Variants in DLG1 observed in about 807,000 individuals in gnomAD.
DLG1 encodes discs large MAGUK scaffold protein 1, also known as disks large homolog 1.
DLG1 carries 42 observed loss-of-function variants against 123.4 expected under a neutral mutation model. The ratio of observed to expected loss-of-function variants is 0.34; its 90% confidence interval spans 0.27 to 0.44. DLG1 has a LOEUF of 0.44. Among genes scored for constraint, DLG1 ranks in the 20% least tolerant of loss-of-function variants. The pLI is 1.00. For synonymous variants in DLG1, 317 were observed against 356.2 expected, an observed-to-expected ratio of 0.89 and a Z score of 1.24; for missense variants, 942 against 1,082.6, an observed-to-expected ratio of 0.87 and a Z score of 1.82.
intron 24 of DLG1, among the ~76,000 whole-genome samples, chr3:197,046,884 GACAAAAA>G (rs1305876800): frequency 3.3e-5 from 5 of 150,692 alleles, no homozygotes; most frequent in African/African-American, 1.2e-4. Flanking sequence ...AAAAACAAAA[GACAAAAA>G]ACAAAACGAA....
intron 15 of DLG1, 35 bp from the exon 16 acceptor site, chr3:197,085,791 G>A (rs1753985174): frequency 6.3e-7 from 1 of 1,576,890 alleles, no homozygotes; most frequent in Admixed American, 1.8e-5. Flanking sequence ...ATAATCACTT[G>A]TTATAATATT....
At chr3:197,238,366 T>A (rs955543406) in intron 4 of DLG1, among the ~76,000 whole-genome samples, 2 of 152,002 alleles carry the variant, frequency 1.3e-5, no homozygotes, top group Non-Finnish European at 2.9e-5. Flanking sequence ...AGGCGTCATA[T>A]AAAAAATTAA....
chr3:197,276,216 G>A (rs532411928), intron 4 of DLG1, among the ~76,000 whole-genome samples: 3 of 152,308 alleles, frequency 2.0e-5, no homozygotes, highest in Admixed American at 2.0e-4. Context: ...ACCATAATGT[G>A]TTTATCCGAT....
At chr3:197,140,427 A>G (rs564264230) in intron 7 of DLG1, among the ~76,000 whole-genome samples, 163 bp from the exon 8 acceptor site, 34 of 152,348 alleles carry the variant, frequency 2.2e-4, no homozygotes, top group Admixed American at 1.8e-3. Flanking sequence ...CTTGTTCTGG[A>G]GGAAAGTCCT....
At chr3:197,062,135 A>G (rs991152172) in intron 22 of DLG1, among the ~76,000 whole-genome samples, 6 of 152,212 alleles carry the variant, frequency 3.9e-5, no homozygotes, top group African/African-American at 1.4e-4. Context: ...AACCCATCAC[A>G]AGTTGAAAAT....
intron 5 of DLG1, among the ~76,000 whole-genome samples, chr3:197,181,539 T>C (rs956330362): frequency 3.3e-5 from 5 of 152,188 alleles, no homozygotes; most frequent in Non-Finnish European, 5.9e-5. Flanking sequence ...AAAAGTATTC[T>C]AGTATCAAGT....
At chr3:197,146,198 A>C (rs184133203) in intron 6 of DLG1, among the ~76,000 whole-genome samples, 1 of 152,280 alleles carries the variant, frequency 6.6e-6, no homozygotes, top group African/African-American at 2.4e-5. Flanking sequence ...GGACAGGTAG[A>C]ATCAATACTG....
In DLG1 at chr3:197,220,341, T is replaced by C. The variant is rs531580280; in HGVS notation, c.319-25752A>G. Among the ~76,000 whole-genome samples the C allele has an allele frequency of 3.2e-4, 49 of 152,240 alleles. 1 individual carries two copies. The South Asian group carries it at 1.0e-2, about 31-fold the overall frequency. On this transcript the variant is annotated intron_variant, in intron 4 of 24. Coordinates refer to ENST00000667157, the MANE Select transcript of DLG1 (RefSeq NM_001366207.1). Reference sequence around the variant, plus strand: ...AATGTTCTTTTAAAACGTACGACTTTCCATTTATAAAAAGAAAATTTTATA... The same window carrying C: ...AATGTTCTTTTAAAACGTACGACTTCCCATTTATAAAAAGAAAATTTTATA...
At chr3:197,274,492 C>A (rs1375920359) in intron 4 of DLG1, among the ~76,000 whole-genome samples, 2 of 150,764 alleles carry the variant, frequency 1.3e-5, no homozygotes, top group Non-Finnish European at 3.0e-5. Flanking sequence ...TGAAAAGATA[C>A]AATACGACAC....
chr3:197,151,993 T>C (rs780837406), intron 5 of DLG1, among the ~76,000 whole-genome samples: 2 of 152,218 alleles, frequency 1.3e-5, no homozygotes, highest in African/African-American at 2.4e-5. Flanking sequence ...AAGTGAATTA[T>C]AGAGCTTCAC....
chr3:197,136,396 A>T, intron 10 of DLG1, 146 bp downstream of exon 10: 1 of 591,048 alleles, frequency 1.7e-6, no homozygotes, highest in Non-Finnish European at 2.9e-6. Flanking sequence ...ACCAAGAATC[A>T]TTTTTTAGGA....
chr3:197,215,144 A>C (rs980272314), intron 4 of DLG1, among the ~76,000 whole-genome samples: 1 of 152,242 alleles, frequency 6.6e-6, no homozygotes, highest in African/African-American at 2.4e-5. Context: ...GTATACAAAT[A>C]CAATTAAAAC....
chr3:197,215,287 G>C (rs1404404135), intron 4 of DLG1, among the ~76,000 whole-genome samples: 1 of 152,056 alleles, frequency 6.6e-6, no homozygotes, highest in East Asian at 1.9e-4. Context: ...ATATATCATG[G>C]GGAAAATGGG....
chr3:197,264,550 C>T (rs1760884472), intron 4 of DLG1, among the ~76,000 whole-genome samples: 1 of 152,138 alleles, frequency 6.6e-6, no homozygotes, highest in African/African-American at 2.4e-5. Context: ...CCTCAGCCTC[C>T]CGAGTAGCTG....
chr3:197,233,955 A>G (rs1744616370), intron 4 of DLG1, among the ~76,000 whole-genome samples: 1 of 152,260 alleles, frequency 6.6e-6, no homozygotes, highest in Non-Finnish European at 1.5e-5. Flanking sequence ...AACAATATCC[A>G]TGGTAAACAC....
intron 4 of DLG1, among the ~76,000 whole-genome samples, chr3:197,215,328 A>G (rs1043628657): frequency 6.6e-6 from 1 of 152,210 alleles, no homozygotes; most frequent in Non-Finnish European, 1.5e-5. Context: ...GACTGGGATA[A>G]TTGAGTATCC....
At chr3:197,287,585 A>G (rs1772491235) in intron 3 of DLG1, among the ~76,000 whole-genome samples, 1 of 152,218 alleles carries the variant, frequency 6.6e-6, no homozygotes, top group South Asian at 2.1e-4. Flanking sequence ...TACACGGCAG[A>G]GTTGACAGGC....
At chr3:197,077,992 T>C (rs1748394099) in intron 17 of DLG1, among the ~76,000 whole-genome samples, 1 of 152,006 alleles carries the variant, frequency 6.6e-6, no homozygotes, top group Admixed American at 6.6e-5. Context: ...GGCATGCCCT[T>C]ATTTTAAGCA....
At chr3:197,104,701 ACC>A (rs1765392166) in intron 14 of DLG1, among the ~76,000 whole-genome samples, 200 bp downstream of exon 14, 2 of 151,840 alleles carry the variant, frequency 1.3e-5, no homozygotes, top group South Asian at 2.1e-4. Flanking sequence ...AAAAACAAAA[ACC>A]AAAAAAAACC....
Sources: allele counts gnomAD v4.1 joint callset (sites outside exome capture counted in the v4.1 genomes callset), GRCh38; gene constraint gnomAD v4.1.1; transcripts MANE v1.5; gene names NCBI Gene and HGNC (gene_info 2026-07-23, HGNC 2026-07-21).